Variants in NUDT12 observed in about 807,000 individuals in gnomAD.
NUDT12 encodes the protein nudix hydrolase 12, also known as NAD-capped RNA hydrolase NUDT12.
Under a neutral mutation model 45.7 loss-of-function variants are expected in NUDT12, and 42 were observed. The ratio of observed to expected loss-of-function variants is 0.92; its 90% CI spans 0.72 to 1.19. The LOEUF (loss-of-function observed/expected upper bound fraction) is 1.19, where lower values mean the gene tolerates loss of function less well. Among genes scored for constraint, NUDT12 ranks in the 50% most tolerant of loss-of-function variants. The pLI is 0.00. For synonymous variants in NUDT12, 206 were observed against 179.7 expected (o/e 1.15, Z -1.17); for missense variants, 590 against 533.1 (o/e 1.11, Z -1.05).
In NUDT12 at chr5:103,550,839, A is replaced by G; in HGVS notation, c.*22T>C. 1.4e-6 allele frequency: 2 copies of G among 1,476,504 alleles called. No individual in the cohort carries two copies. The highest frequency in any genetic ancestry group is 1.9e-6 in the Non-Finnish European group (2 of 1,055,214). 91.5% of individuals were successfully genotyped at this position (1,476,504 alleles called of 1,614,324 possible). On this transcript the variant is annotated 3_prime_UTR_variant, in exon 7 of 7. Transcript: ENST00000230792. The stretch of plus-strand genomic sequence containing the variant: ...GTGTTATTAGAAATTATTAAATAAT[A>G]CTCAAAGCTTAGTTCTTAGATTTAG...
At chr5:103,557,996 C>T (rs563588223) in intron 3 of NUDT12, among the ~76,000 whole-genome samples, 1 of 152,010 alleles carries the variant, frequency 6.6e-6, no homozygotes, top group African/African-American at 2.4e-5. Context: ...TCCTGCTTTC[C>T]TTGCTCTAAC....
intron 3 of NUDT12, among the ~76,000 whole-genome samples, chr5:103,557,760 C>T (rs1447165295): frequency 4.6e-5 from 7 of 151,798 alleles, no homozygotes; most frequent in Non-Finnish European, 7.4e-5. Flanking sequence ...GATGGCTCTC[C>T]TGCTTGCAGC....
chr5:103,549,547 A>G lies in NUDT12; in HGVS notation c.*1314T>C, dbSNP rs1748587396. The G allele has an allele frequency of 6.6e-6, 1 of 151,942 alleles. No individual in the cohort carries two copies. Among genetic ancestry groups the G allele is most frequent in the Non-Finnish European group, 1.5e-5 (1 of 67,900 alleles). 9.4% of individuals were successfully genotyped at this position (151,942 alleles called of 1,614,324 possible). On this transcript the variant is annotated 3_prime_UTR_variant, in exon 7 of 7. Coordinates refer to ENST00000230792, the MANE Select transcript of NUDT12 (RefSeq NM_031438.4). Reference sequence around the variant, plus strand: ...CAGGGAGAATCGTCCTCTGCATTATATAGTACAGACTGTTGTAATTAGTTA... The same window carrying G: ...CAGGGAGAATCGTCCTCTGCATTATGTAGTACAGACTGTTGTAATTAGTTA...
At position 103,559,252 on chromosome 5, in the gene NUDT12, A is replaced by G; in HGVS notation, c.423T>C (p.Ala141=). Reference sequence around the variant, plus strand: ...AAACTGTGGCTGGATGGCTTTCTTTAGCTAGCAGCCAGTCAGAATTATTTC... The same window carrying G: ...AAACTGTGGCTGGATGGCTTTCTTTGGCTAGCAGCCAGTCAGAATTATTTC... The part of the protein sequence containing the change: ...EKRNNSDWLL[A]KESHPATVFI... The change falls in exon 3 of 7, where the codon GCT becomes GCC. Residue 141 remains alanine (A), a synonymous_variant. Coordinates refer to ENST00000230792, the MANE Select transcript of NUDT12 (RefSeq NM_031438.4). 1 of 1,588,014 alleles carries G rather than the reference A, an allele frequency of 6.3e-7. No homozygotes were observed. Among genetic ancestry groups the G allele is most frequent in the Non-Finnish European group, 8.6e-7 (1 of 1,169,220 alleles).
chr5:103,560,374 C>A, intron 1 of NUDT12, 120 bp from the exon 2 acceptor site: 1 of 648,174 alleles, frequency 1.5e-6, no homozygotes, highest in Admixed American at 2.5e-5. Flanking sequence ...TACTATTCAA[C>A]AGGCAATCCT....
intron 2 of NUDT12, 27 bp downstream of exon 2, chr5:103,560,016 T>C: frequency 6.6e-7 from 1 of 1,512,750 alleles, no homozygotes; most frequent in Non-Finnish European, 9.2e-7. Flanking sequence ...ACAAACCCTT[T>C]CAGGTGGTAC....
rs1294866737 is a variant in NUDT12 at position 103,549,046 on chromosome 5, G to A, written c.*1815C>T. 2 of 151,832 alleles carry A rather than the reference G, an allele frequency of 1.3e-5. No homozygotes were observed. Among genetic ancestry groups the A allele is most frequent in the Admixed American group, 6.6e-5 (1 of 15,242 alleles). The allele number at this position is 151,832 out of a possible 1,614,324, so 9.4% of individuals were successfully genotyped here. A position where few individuals can be genotyped will look rare whatever the true frequency, so the allele number is the denominator to read the frequency against. ...TAGATGCTGATTTTTTCCCAAGTAA[G>A]GATTAAATATCCAAAACAAAATGTA... is the stretch of plus-strand genomic sequence containing the variant. On this transcript the variant is annotated 3_prime_UTR_variant, in exon 7 of 7. Transcript: ENST00000230792.
At chr5:103,556,159 A>T in intron 3 of NUDT12, 61 bp from the exon 4 acceptor site, 1 of 1,229,082 alleles carries the variant, frequency 8.1e-7, no homozygotes, top group Non-Finnish European at 1.1e-6. Flanking sequence ...TCAATATATA[A>T]GTAAAATGTT....
At chr5:103,557,140 C>A (rs1748847658) in intron 3 of NUDT12, among the ~76,000 whole-genome samples, 1 of 151,206 alleles carries the variant, frequency 6.6e-6, no homozygotes, top group South Asian at 2.1e-4. Flanking sequence ...TTATCATTTT[C>A]TTTAGGAGTA....
chr5:103,552,893 A>C (rs762607469), intron 5 of NUDT12, among the ~76,000 whole-genome samples: 1 of 152,150 alleles, frequency 6.6e-6, no homozygotes, highest in African/African-American at 2.4e-5. Flanking sequence ...TACAAACTAC[A>C]TAAGATGAAA....
Position 103,559,020 on chromosome 5 carries a change from C to G in NUDT12, c.655G>C (p.Glu219Gln). ...LLNYAGEVPR[E>Q]EEDGLVAWFA... ...CAGGCAACCAATCCATCTTCCTCCTCTCTCGGGACTTCACCAGCATAATTA... is the reference window on the plus strand; with the variant it reads ...CAGGCAACCAATCCATCTTCCTCCTGTCTCGGGACTTCACCAGCATAATTA... Residue 219 changes from glutamate (E) to glutamine (Q), a missense_variant, in exon 3 of 7, where the codon GAG (glutamate) becomes CAG (glutamine). Glu to Gln is a conservative substitution (Grantham distance 29). Coordinates refer to ENST00000230792, the MANE Select transcript of NUDT12 (RefSeq NM_031438.4). 1.9e-6 allele frequency: 3 copies of G among 1,613,828 alleles called. No individual in the cohort carries two copies. In the South Asian group the frequency reaches 3.3e-5, roughly 18 times the overall value.
chr5:103,552,290 G>C lies in NUDT12; in HGVS notation c.1205C>G (p.Ala402Gly). The C allele has an allele frequency of 6.2e-7, 1 of 1,613,922 alleles. No homozygotes were observed. Among genetic ancestry groups the C allele is most frequent in the Non-Finnish European group, 8.5e-7 (1 of 1,179,880 alleles). Residue 402 changes from alanine to glycine, a missense_variant, in exon 6 of 7, where the codon GCT becomes GGT. By Grantham distance (60) the Ala-to-Gly change is moderately conservative. Transcript: ENST00000230792. ...MPSSLMIGCL[A>G]LAVSTEIKVD... is the part of the protein sequence containing the mutation. ...TTTAATTTCTGTAGACACTGCTAGAGCTAAGCAACCAATCATTAAGGAGGA... is the reference window on the plus strand; with the variant it reads ...TTTAATTTCTGTAGACACTGCTAGACCTAAGCAACCAATCATTAAGGAGGA...
At position 103,555,990 on chromosome 5, in the gene NUDT12, C is replaced by T; in HGVS notation, c.905G>A (p.Cys302Tyr). ...GAGACTAGGACAGTCTTCTTTTAAACATAATCTCTTATAGCCACCTTCTTC... is the reference window on the plus strand; with the variant it reads ...GAGACTAGGACAGTCTTCTTTTAAATATAATCTCTTATAGCCACCTTCTTC... The part of the protein sequence containing the change: ...KIEEGGYKRL[C>Y]LKEDCPSLNG... The change falls in exon 4 of 7, where the codon TGT becomes TAT. Residue 302 changes from cysteine to tyrosine, a missense_variant. Cys to Tyr is a radical substitution (Grantham distance 194, BLOSUM62 -2). Transcript: ENST00000230792. 5 of 1,611,122 alleles carry T rather than the reference C, an allele frequency of 3.1e-6. No homozygotes were observed. Among genetic ancestry groups the T allele is most frequent in the Non-Finnish European group, 4.2e-6 (5 of 1,178,196 alleles).
At chr5:103,551,939 C>T (rs1309896636) in intron 6 of NUDT12, among the ~76,000 whole-genome samples, 4 of 152,034 alleles carry the variant, frequency 2.6e-5, no homozygotes, top group African/African-American at 9.7e-5. Context: ...TCTAAACCCA[C>T]TGATAGGTAT....
intron 5 of NUDT12, among the ~76,000 whole-genome samples, chr5:103,554,192 G>C (rs1292114324): frequency 6.6e-6 from 1 of 152,028 alleles, no homozygotes; most frequent in Non-Finnish European, 1.5e-5. Flanking sequence ...ACAGGCATGT[G>C]CTATGAGGGT....
In NUDT12 at chr5:103,552,958, T is replaced by C. The variant is rs1279571673; in HGVS notation, c.1079-542A>G. 2.0e-5 allele frequency among the ~76,000 whole-genome samples: 3 copies of C among 152,232 alleles called. No homozygotes were observed. In the East Asian group the frequency reaches 5.8e-4, roughly 29 times the overall value. On this transcript the variant is annotated intron_variant, in intron 5 of 6. Transcript: ENST00000230792. ...CTCTAGATGACTGCTGACTCTGCTA[T>C]GGTAAGTGATGCCTATAAATGTACT...
At chr5:103,562,367 T>C (rs1421768481) in intron 1 of NUDT12, among the ~76,000 whole-genome samples, 1 of 152,110 alleles carries the variant, frequency 6.6e-6, no homozygotes, top group Non-Finnish European at 1.5e-5. Flanking sequence ...TCTCTGAAAA[T>C]GGTAAAATGC....
At chr5:103,558,384 C>A (rs1247378717) in intron 3 of NUDT12, among the ~76,000 whole-genome samples, 2 of 152,088 alleles carry the variant, frequency 1.3e-5, no homozygotes, top group African/African-American at 4.8e-5. Context: ...TCCCTCTTAA[C>A]AAGACTCCCA....
At chr5:103,561,382 T>C (rs1004052075) in intron 1 of NUDT12, among the ~76,000 whole-genome samples, 5 of 152,182 alleles carry the variant, frequency 3.3e-5, no homozygotes, top group South Asian at 2.1e-4. Flanking sequence ...TTGTCTCATT[T>C]TGGAGCTGTT....
Sources: allele counts gnomAD v4.1 joint callset (sites outside exome capture counted in the v4.1 genomes callset), GRCh38; gene constraint gnomAD v4.1.1; transcripts MANE v1.5; gene names NCBI Gene and HGNC (gene_info 2026-07-23, HGNC 2026-07-21).